The following EFCAB11 variants were observed in gnomAD, a reference collection of about 807,000 sequenced individuals.
The protein encoded by EFCAB11 is EF-hand calcium-binding domain-containing protein 11.
A neutral mutation model predicts 23.0 loss-of-function variants in EFCAB11; 14 were observed. That is an observed-to-expected ratio of 0.61 (90% CI 0.40 to 0.95). The LOEUF is 0.95. EFCAB11 is among the 40% of genes least tolerant of loss of function. EFCAB11 has a pLI of 0.00. For synonymous variants in EFCAB11, 65 were observed against 66.6 expected (o/e 0.98, Z 0.11); for missense variants, 198 against 195.8 (o/e 1.01, Z -0.07).
intron 5 of EFCAB11, among the ~76,000 whole-genome samples, chr14:89,859,320 G>C (rs1448603546): frequency 2.0e-5 from 3 of 152,300 alleles, no homozygotes; most frequent in Admixed American, 1.3e-4. Context: ...TTTCTCTAGA[G>C]TTAAATTCTC....
rs542173782 is a variant in EFCAB11, at chr14:89,880,737, C to T, written c.410+50804G>A. On this transcript the variant is annotated intron_variant, in intron 5 of 5. Transcript: ENST00000316738. ...AGGCAGTTAGTGTAGCTGTTAAGAG[C>T]GGACTTTGGGGTTAGTCTGCTTGGT... Among the ~76,000 whole-genome samples the T allele has an allele frequency of 1.6e-4, 24 of 152,268 alleles. No homozygotes were observed. In the East Asian group the frequency reaches 3.9e-3, roughly 24 times the overall value.
chr14:89,899,472 G>A (rs1394894242), intron 5 of EFCAB11, among the ~76,000 whole-genome samples: 2 of 151,624 alleles, frequency 1.3e-5, no homozygotes, highest in Admixed American at 6.6e-5. Context: ...TTTTTTTCAC[G>A]TTCTCTCTAA....
At chr14:89,904,180 A>G (rs1343128871) in intron 5 of EFCAB11, among the ~76,000 whole-genome samples, 1 of 151,422 alleles carries the variant, frequency 6.6e-6, no homozygotes, top group African/African-American at 2.4e-5. Flanking sequence ...CCCTCTGTCC[A>G]TGTGTTCTCA....
At chr14:89,931,266 T>A (rs1387711478) in intron 5 of EFCAB11, 3 of 369,722 alleles carry the variant, frequency 8.1e-6, no homozygotes, top group African/African-American at 6.3e-5. Flanking sequence ...GAAGAAGTTC[T>A]TTCTTCCTGT....
chr14:89,942,892 C>T (rs188879384), intron 3 of EFCAB11, among the ~76,000 whole-genome samples: 366 of 152,314 alleles, frequency 2.4e-3, no homozygotes, highest in Non-Finnish European at 3.9e-3. Flanking sequence ...ATTGAAATGA[C>T]CTACTTTTCA....
chr14:89,798,909 C>G (rs573990492), intron 5 of EFCAB11, among the ~76,000 whole-genome samples: 1 of 152,338 alleles, frequency 6.6e-6, no homozygotes, highest in East Asian at 1.9e-4. Context: ...ACCTCAGCCT[C>G]CTGAGTAGCT....
At chr14:89,907,776 T>G (rs1364778634) in intron 5 of EFCAB11, among the ~76,000 whole-genome samples, 1 of 152,214 alleles carries the variant, frequency 6.6e-6, no homozygotes, top group Non-Finnish European at 1.5e-5. Flanking sequence ...TGTATCTATT[T>G]GTGTTTCCAA....
chr14:89,880,365 G>A (rs1228351948), intron 5 of EFCAB11, among the ~76,000 whole-genome samples: 2 of 152,150 alleles, frequency 1.3e-5, no homozygotes, highest in African/African-American at 4.8e-5. Flanking sequence ...CCAGAAGTGT[G>A]AGAAATAAAA....
At chr14:89,834,201 T>C (rs546922915) in intron 5 of EFCAB11, among the ~76,000 whole-genome samples, 4 of 147,988 alleles carry the variant, frequency 2.7e-5, no homozygotes, top group Non-Finnish European at 6.1e-5. Context: ...GTGGTGAAAC[T>C]CCGTCTCTAC....
At chr14:89,806,292 C>T (rs185437208) in intron 5 of EFCAB11, among the ~76,000 whole-genome samples, 3 of 152,214 alleles carry the variant, frequency 2.0e-5, no homozygotes, top group Admixed American at 6.5e-5. Flanking sequence ...TATGTCATTT[C>T]GGATTATTGA....
chr14:89,897,207 A>AT (rs1156731502), intron 5 of EFCAB11, among the ~76,000 whole-genome samples: 15,135 of 133,572 alleles, frequency 0.11, 2,336 homozygotes, highest in African/African-American at 0.34. Context: ...GTATATGTGC[A>AT]TTTTTTTTTT....
At chr14:89,841,755 C>T (rs575014286) in intron 5 of EFCAB11, among the ~76,000 whole-genome samples, 1 of 152,008 alleles carries the variant, frequency 6.6e-6, no homozygotes, top group Non-Finnish European at 1.5e-5. Flanking sequence ...TTTAATTATC[C>T]CTTAGATGTT....
At chr14:89,850,821 C>T (rs141943993) in intron 5 of EFCAB11, among the ~76,000 whole-genome samples, 1 of 152,118 alleles carries the variant, frequency 6.6e-6, no homozygotes, top group Non-Finnish European at 1.5e-5. Context: ...CGCTACATGG[C>T]CTCATTTATT....
chr14:89,903,084 G>C (rs1889390458), intron 5 of EFCAB11, among the ~76,000 whole-genome samples: 1 of 152,202 alleles, frequency 6.6e-6, no homozygotes, highest in Non-Finnish European at 1.5e-5. Flanking sequence ...TGCCGCATCT[G>C]CGTTACACAT....
At chr14:89,916,851 T>G (rs910138737) in intron 5 of EFCAB11, among the ~76,000 whole-genome samples, 1 of 152,202 alleles carries the variant, frequency 6.6e-6, no homozygotes, top group Non-Finnish European at 1.5e-5. Flanking sequence ...AGAAAAGCAT[T>G]TTTAAACTTT....
chr14:89,928,788 T>C (rs1890281096), intron 5 of EFCAB11, among the ~76,000 whole-genome samples: 1 of 146,886 alleles, frequency 6.8e-6, no homozygotes, highest in Non-Finnish European at 1.5e-5. Flanking sequence ...ATTAAATAAA[T>C]GCAATTAATT....
intron 5 of EFCAB11, among the ~76,000 whole-genome samples, chr14:89,876,945 T>C (rs895769346): frequency 1.3e-5 from 2 of 152,164 alleles, no homozygotes; most frequent in African/African-American, 2.4e-5. Context: ...CTATCCACAA[T>C]TGATGTCTAC....
At chr14:89,940,723 C>T (rs576502568) in intron 3 of EFCAB11, among the ~76,000 whole-genome samples, 3 of 152,252 alleles carry the variant, frequency 2.0e-5, no homozygotes, top group African/African-American at 4.8e-5. Flanking sequence ...TCAATCTAAT[C>T]GCCTAGTGAA....
intron 5 of EFCAB11, among the ~76,000 whole-genome samples, chr14:89,808,881 G>A (rs1410704481): frequency 1.3e-5 from 2 of 152,168 alleles, no homozygotes; most frequent in Admixed American, 6.5e-5. Flanking sequence ...TGCATGAGGA[G>A]TGTGAATATG....
Sources: allele counts gnomAD v4.1 joint callset (sites outside exome capture counted in the v4.1 genomes callset), GRCh38; gene constraint gnomAD v4.1.1; transcripts MANE v1.5; gene names NCBI Gene and HGNC (gene_info 2026-07-23, HGNC 2026-07-21).